The following ZDHHC3 variants were observed in gnomAD, a reference collection of about 807,000 sequenced individuals.
The protein encoded by ZDHHC3 is zDHHC palmitoyltransferase 3.
A neutral mutation model predicts 30.6 loss-of-function variants in ZDHHC3; 9 were observed. The observed-to-expected ratio is 0.29, with a 90% CI of 0.18 to 0.51. The LOEUF is 0.51. Ranked by LOEUF, ZDHHC3 falls within the 20% of genes least tolerant of loss-of-function variation. ZDHHC3 has a pLI of 0.97. For synonymous variants in ZDHHC3, 136 were observed against 140.2 expected (o/e 0.97, Z 0.21); for missense variants, 246 against 384.2 (o/e 0.64, Z 3.01).
Position 44,924,768 on chromosome 3 carries a change from T to A in ZDHHC3, c.*1921A>T. 1.0e-6 allele frequency: 1 copy of A among 985,468 alleles called. No individual in the cohort carries two copies. The allele number at this position is 985,468 out of a possible 1,614,324, so 61.0% of individuals were successfully genotyped here. A position where few individuals can be genotyped will look rare whatever the true frequency, so the allele number is the denominator to read the frequency against. ...CTTTCATACACCTAACTGAGCTGTATGTTATGAAAAAATTTTAAAAAAGCA... is the reference window on the plus strand; with the variant it reads ...CTTTCATACACCTAACTGAGCTGTAAGTTATGAAAAAATTTTAAAAAAGCA... On this transcript the variant is annotated 3_prime_UTR_variant, in exon 7 of 7. Coordinates refer to ENST00000424952, the MANE Select transcript of ZDHHC3 (RefSeq NM_001135179.2).
Position 44,917,522 on chromosome 3 carries a change from TG to T in ZDHHC3, c.*9166del. 1 of 213,442 alleles carries T rather than the reference TG, an allele frequency of 4.7e-6. No individual in the cohort carries two copies. Among genetic ancestry groups the T allele is most frequent in the Non-Finnish European group, 9.6e-6 (1 of 104,634 alleles). The allele number at this position is 213,442 out of a possible 1,614,324, so 13.2% of individuals were successfully genotyped here. On this transcript the variant is annotated 3_prime_UTR_variant, in exon 7 of 7. Transcript: ENST00000424952. ...CCTTCCCAAGAGAAGACAGAAATCC[TG>T]GGGAAAGCCAAAGGCAAGCTCTTTT... is the stretch of plus-strand genomic sequence containing the variant.
At chr3:44,974,224 C>CAG (rs1444248794) in intron 1 of ZDHHC3, among the ~76,000 whole-genome samples, 1 of 152,228 alleles carries the variant, frequency 6.6e-6, no homozygotes. Flanking sequence ...GCAAATACTG[C>CAG]AGACCCTTGT....
At chr3:44,965,321 TAGTGA>T (rs137882309) in intron 1 of ZDHHC3, among the ~76,000 whole-genome samples, 1,581 of 152,242 alleles carry the variant, frequency 0.01, 27 homozygotes, top group African/African-American at 0.036. Flanking sequence ...CAAATATACT[TAGTGA>T]AGTGGAGTCT....
intron 2 of ZDHHC3, among the ~76,000 whole-genome samples, chr3:44,953,228 A>C (rs981791478): frequency 6.6e-6 from 1 of 152,224 alleles, no homozygotes; most frequent in African/African-American, 2.4e-5. Context: ...TGACCCAGAC[A>C]ATCCAAGTCT....
rs1700988978 is a variant in ZDHHC3, at chr3:44,926,359, A to G, written c.*330T>C. ...CCACGCACAGCGTCATGTCTCACTC[A>G]GTTAGTAGAATGGGCACAGCGCGAG... On this transcript the variant is annotated 3_prime_UTR_variant, in exon 7 of 7. Transcript: ENST00000424952. 9.7e-7 allele frequency: 1 copy of G among 1,033,066 alleles called. No individual in the cohort carries two copies. Among genetic ancestry groups the G allele is most frequent in the Non-Finnish European group, 1.2e-6 (1 of 861,684 alleles). 64.0% of individuals were successfully genotyped at this position (1,033,066 alleles called of 1,614,324 possible). A position where few individuals can be genotyped will look rare whatever the true frequency, so the allele number is the denominator to read the frequency against.
chr3:44,968,309 T>C (rs1187433065), intron 1 of ZDHHC3, among the ~76,000 whole-genome samples: 1 of 150,110 alleles, frequency 6.7e-6, no homozygotes, highest in East Asian at 1.9e-4. Flanking sequence ...TCTGACTCTT[T>C]AAAAAAAAAC....
chr3:44,941,489 C>CTTTAAAAA (rs1702436349), intron 3 of ZDHHC3, among the ~76,000 whole-genome samples: 1 of 152,100 alleles, frequency 6.6e-6, no homozygotes, highest in African/African-American at 2.4e-5. Flanking sequence ...AATACTAGTG[C>CTTTAAAAA]TACATAGATT....
rs908519362 is a variant in ZDHHC3 at position 44,923,830 on chromosome 3, A to C, written c.*2859T>G. ...ACAAAAAAGAGGAAGTACAGTATGA[A>C]GAAGACAAAATGGTGGGACTAAAAG... On this transcript the variant is annotated 3_prime_UTR_variant, in exon 7 of 7. Coordinates refer to ENST00000424952, the MANE Select transcript of ZDHHC3 (RefSeq NM_001135179.2). 9 of 985,312 alleles carry C rather than the reference A, an allele frequency of 9.1e-6. No individual in the cohort carries two copies. The highest frequency in any genetic ancestry group is 1.1e-5 in the Non-Finnish European group (9 of 829,934). 61.0% of individuals were successfully genotyped at this position (985,312 alleles called of 1,614,324 possible). A position where few individuals can be genotyped will look rare whatever the true frequency, so the allele number is the denominator to read the frequency against.
Position 44,917,305 on chromosome 3 carries a change from G to T in ZDHHC3, c.*9384C>A. ...ATGCCTGGCCCTTGCAGGTAGATGTGGCAGCCACCTCTACCTCCTAATTTC... is the reference window on the plus strand; with the variant it reads ...ATGCCTGGCCCTTGCAGGTAGATGTTGCAGCCACCTCTACCTCCTAATTTC... On this transcript the variant is annotated 3_prime_UTR_variant, in exon 7 of 7. Coordinates refer to ENST00000424952, the MANE Select transcript of ZDHHC3 (RefSeq NM_001135179.2). 6.2e-6 allele frequency: 1 copy of T among 161,914 alleles called. No individual in the cohort carries two copies. The highest frequency in any genetic ancestry group is 5.6e-5 in the Admixed American group (1 of 17,900). 10.0% of individuals were successfully genotyped at this position (161,914 alleles called of 1,614,324 possible).
In ZDHHC3 at chr3:44,924,544, G is replaced by T; in HGVS notation, c.*2145C>A. ...CATAGTATGCACAGCTTTAAAGGAGGAGTTTCTATTTTTAGGACTAAAAAA... is the reference window on the plus strand; with the variant it reads ...CATAGTATGCACAGCTTTAAAGGAGTAGTTTCTATTTTTAGGACTAAAAAA... On this transcript the variant is annotated 3_prime_UTR_variant, in exon 7 of 7. Transcript: ENST00000424952. 4.1e-6 allele frequency: 4 copies of T among 985,346 alleles called. No homozygotes were observed. The highest frequency in any genetic ancestry group is 4.7e-5 in the South Asian group (1 of 21,288). The allele number at this position is 985,346 out of a possible 1,614,324, so 61.0% of individuals were successfully genotyped here.
chr3:44,940,146 G>A (rs567390296), intron 3 of ZDHHC3, among the ~76,000 whole-genome samples: 1 of 152,242 alleles, frequency 6.6e-6, no homozygotes, highest in South Asian at 2.1e-4. Context: ...TCTGCCATGA[G>A]GAAGAAAAAA....
At chr3:44,947,825 G>C (rs1330983842) in intron 2 of ZDHHC3, among the ~76,000 whole-genome samples, 1 of 152,224 alleles carries the variant, frequency 6.6e-6, no homozygotes, top group Non-Finnish European at 1.5e-5. Flanking sequence ...GCCCTGGCCT[G>C]GTACACAGTA....
intron 3 of ZDHHC3, chr3:44,937,978 G>A: frequency 2.3e-6 from 1 of 434,946 alleles, no homozygotes; most frequent in Non-Finnish European, 4.6e-6. Flanking sequence ...GTTAAACACA[G>A]CGGAAATACC....
In ZDHHC3 at chr3:44,924,360, A is replaced by C. The variant is rs1700823729; in HGVS notation, c.*2329T>G. Reference sequence around the variant, plus strand: ...AAATATCAGTCTGAACAAAAATGAAATAGGAAAAATGCCAGGAACCTTGGG... The same window carrying C: ...AAATATCAGTCTGAACAAAAATGAACTAGGAAAAATGCCAGGAACCTTGGG... On this transcript the variant is annotated 3_prime_UTR_variant, in exon 7 of 7. Coordinates refer to ENST00000424952, the MANE Select transcript of ZDHHC3 (RefSeq NM_001135179.2). The C allele has an allele frequency of 8.1e-6, 8 of 985,350 alleles. No homozygotes were observed. Among genetic ancestry groups the C allele is most frequent in the Middle Eastern group, 5.2e-4 (1 of 1,936 alleles). 61.0% of individuals were successfully genotyped at this position (985,350 alleles called of 1,614,324 possible).
In ZDHHC3 at chr3:44,959,415, G is replaced by C. The variant is rs758030720; in HGVS notation, c.22C>G (p.His8Asp). ...GGTTTCCGCTCAATGTTTCGGAAGT[G>C]GTGGGTGGGGATAAGCATCATAAGC... is the stretch of plus-strand genomic sequence containing the variant. MMLIPTH[H>D]FRNIERKPEY... Residue 8 changes from histidine to aspartate, a missense_variant, in exon 2 of 7, where the codon CAC (histidine) becomes GAC (aspartate). Physicochemically the swap from His to Asp is moderately conservative, Grantham distance 81 (BLOSUM62 -1). Coordinates refer to ENST00000424952, the MANE Select transcript of ZDHHC3 (RefSeq NM_001135179.2). The surrounding 1 kb of genome is among the most constrained non-coding windows in gnomAD (Gnocchi z 4.3). The C allele has an allele frequency of 6.2e-7, 1 of 1,614,056 alleles. No homozygotes were observed.
intron 1 of ZDHHC3, among the ~76,000 whole-genome samples, chr3:44,967,476 G>C (rs1705053451): frequency 6.6e-6 from 1 of 152,172 alleles, no homozygotes; most frequent in Non-Finnish European, 1.5e-5. Context: ...TGGAGCCCAG[G>C]AGTTAGAGAC....
At chr3:44,954,464 G>A (rs1286362474) in intron 2 of ZDHHC3, among the ~76,000 whole-genome samples, 20 of 152,096 alleles carry the variant, frequency 1.3e-4, no homozygotes, top group Admixed American at 1.2e-3. Flanking sequence ...TATTCAATAC[G>A]GCGTAGGTGT....
At chr3:44,949,057 C>T (rs1041554638) in intron 2 of ZDHHC3, among the ~76,000 whole-genome samples, 6 of 152,092 alleles carry the variant, frequency 3.9e-5, no homozygotes, top group African/African-American at 1.4e-4. Flanking sequence ...GTCCTTTATA[C>T]TCTTTCAACT....
chr3:44,950,867 C>G (rs1305225317), intron 2 of ZDHHC3, among the ~76,000 whole-genome samples: 1 of 152,198 alleles, frequency 6.6e-6, no homozygotes. Flanking sequence ...TGCTGTCATG[C>G]TTGCATTACT....
Sources: allele counts gnomAD v4.1 joint callset (sites outside exome capture counted in the v4.1 genomes callset), GRCh38; gene constraint gnomAD v4.1.1; non-coding constraint Gnocchi (gnomAD v3.1); transcripts MANE v1.5; gene names NCBI Gene and HGNC (gene_info 2026-07-23, HGNC 2026-07-21).